Variants in EFNA5 observed in about 807,000 individuals in gnomAD.
EFNA5 encodes the protein ephrin A5.
In EFNA5, 5 loss-of-function variants were observed where a neutral mutation model predicts 22.9. The observed-to-expected ratio is 0.22, with a 90% CI of 0.11 to 0.46. The LOEUF is 0.46. EFNA5 is among the 20% of genes least tolerant of loss of function. EFNA5 has a pLI of 0.99. For missense variants in EFNA5, 237 were observed against 293.3 expected, an observed-to-expected ratio of 0.81 and a Z score of 1.40; for synonymous variants, 113 against 112.2, an observed-to-expected ratio of 1.01 and a Z score of -0.04.
At chr5:107,413,790 G>A (rs1370144851) in intron 2 of EFNA5, among the ~76,000 whole-genome samples, 1 of 152,140 alleles carries the variant, frequency 6.6e-6, no homozygotes, top group Admixed American at 6.5e-5. Flanking sequence ...TAATTTACAG[G>A]TAAAGCAATG....
chr5:107,605,226 C>G (rs944395338), intron 1 of EFNA5, among the ~76,000 whole-genome samples: 1 of 151,996 alleles, frequency 6.6e-6, no homozygotes, highest in African/African-American at 2.4e-5. Flanking sequence ...CTCCTTCCCC[C>G]TAATGCCTCT....
At chr5:107,641,001 T>C (rs1056616582) in intron 1 of EFNA5, among the ~76,000 whole-genome samples, 1 of 140,018 alleles carries the variant, frequency 7.1e-6, no homozygotes, top group African/African-American at 2.6e-5. Flanking sequence ...GATAGATAGA[T>C]AGATAGATAG....
intron 2 of EFNA5, among the ~76,000 whole-genome samples, chr5:107,413,236 T>C (rs1748417237): frequency 2.6e-5 from 4 of 152,134 alleles, no homozygotes; most frequent in Non-Finnish European, 5.9e-5. Flanking sequence ...TATGAAATAA[T>C]AGACTTATTT....
At chr5:107,445,988 G>A (rs562404617) in intron 1 of EFNA5, among the ~76,000 whole-genome samples, 89 of 152,268 alleles carry the variant, frequency 5.8e-4, no homozygotes, top group African/African-American at 1.9e-3. Flanking sequence ...AGACAGTTCA[G>A]GAAAGAGGTT....
At chr5:107,382,699 A>G (rs1291729349) in intron 4 of EFNA5, among the ~76,000 whole-genome samples, 2 of 152,178 alleles carry the variant, frequency 1.3e-5, no homozygotes, top group South Asian at 2.1e-4. Context: ...GGATCTCTGA[A>G]TAACACATTT....
At chr5:107,436,073 T>C (rs1184350810) in intron 1 of EFNA5, among the ~76,000 whole-genome samples, 1 of 152,356 alleles carries the variant, frequency 6.6e-6, no homozygotes, top group Non-Finnish European at 1.5e-5. Flanking sequence ...GATAGATAGA[T>C]AAAATTCACA....
intron 1 of EFNA5, among the ~76,000 whole-genome samples, chr5:107,479,792 A>T (rs2112397222): frequency 6.6e-6 from 1 of 152,344 alleles, no homozygotes; most frequent in East Asian, 1.9e-4. Flanking sequence ...ATCCTGATGA[A>T]AAAGAATCAT....
intron 1 of EFNA5, among the ~76,000 whole-genome samples, chr5:107,667,008 T>C (rs1751091481): frequency 6.6e-6 from 1 of 152,162 alleles, no homozygotes; most frequent in East Asian, 1.9e-4. Flanking sequence ...GGACAAATAG[T>C]TATATTCTTC....
chr5:107,559,356 C>A (rs1561432905), intron 1 of EFNA5, among the ~76,000 whole-genome samples: 1 of 152,004 alleles, frequency 6.6e-6, no homozygotes, highest in Non-Finnish European at 1.5e-5. Flanking sequence ...ATCTGTCTAG[C>A]GAAAAATATA....
chr5:107,596,981 A>G (rs550776876), intron 1 of EFNA5, among the ~76,000 whole-genome samples: 5 of 152,238 alleles, frequency 3.3e-5, no homozygotes, highest in African/African-American at 1.2e-4. Flanking sequence ...CTGGTACCTA[A>G]TAACTGTGTG....
At position 107,399,329 on chromosome 5, in the gene EFNA5, G is replaced by A. The variant is rs1339541666; in HGVS notation, c.419-11558C>T. 9.5e-3 allele frequency among the ~76,000 whole-genome samples: 1,332 copies of A among 140,892 alleles called. 21 individuals are homozygous for A. Among genetic ancestry groups the A allele is most frequent in the African/African-American group, 0.033 (1,236 of 37,204 alleles). The allele number at this position is 140,892 out of a possible 152,430, so 92.4% of individuals were successfully genotyped here. A position where few individuals can be genotyped will look rare whatever the true frequency, so the allele number is the denominator to read the frequency against. On this transcript the variant is annotated intron_variant, in intron 2 of 4. Transcript: ENST00000333274. ...AGGAAGGAAGGAAACGGAAAGGAAA[G>A]GAAAGGAAAGGAAAGGAAAGGAAAG...
intron 1 of EFNA5, among the ~76,000 whole-genome samples, chr5:107,595,835 C>T (rs1056711906): frequency 2.6e-5 from 4 of 152,082 alleles, no homozygotes; most frequent in East Asian, 1.9e-4. Context: ...GGATAAAATA[C>T]GCACTTCAAA....
intron 1 of EFNA5, among the ~76,000 whole-genome samples, chr5:107,570,275 T>A (rs994512659): frequency 5.9e-5 from 9 of 152,330 alleles, no homozygotes; most frequent in Non-Finnish European, 1.3e-4. Context: ...TAATTAGCCT[T>A]GATTAATATC....
chr5:107,556,893 C>G (rs1301095645), intron 1 of EFNA5, among the ~76,000 whole-genome samples: 1 of 151,986 alleles, frequency 6.6e-6, no homozygotes, highest in Non-Finnish European at 1.5e-5. Flanking sequence ...TTTCACATTC[C>G]ACTAATGAAA....
At chr5:107,604,038 C>T (rs1427628121) in intron 1 of EFNA5, among the ~76,000 whole-genome samples, 3 of 152,236 alleles carry the variant, frequency 2.0e-5, no homozygotes, top group East Asian at 3.9e-4. Flanking sequence ...ACTCCTTTTT[C>T]AAGGTGAAGT....
chr5:107,382,976 T>A (rs944754664), intron 4 of EFNA5, among the ~76,000 whole-genome samples: 4 of 152,206 alleles, frequency 2.6e-5, no homozygotes, highest in African/African-American at 9.7e-5. Flanking sequence ...ATAAGGGTGC[T>A]TTTCCTTCAC....
chr5:107,585,095 G>A (rs889759927), intron 1 of EFNA5, among the ~76,000 whole-genome samples: 3 of 152,138 alleles, frequency 2.0e-5, no homozygotes, highest in African/African-American at 7.2e-5. Context: ...CAAATGGTAT[G>A]GAAATCTACC....
chr5:107,571,404 G>A (rs559564305), intron 1 of EFNA5, among the ~76,000 whole-genome samples: 1 of 152,104 alleles, frequency 6.6e-6, no homozygotes, highest in East Asian at 1.9e-4. Flanking sequence ...GCTCGCTGTC[G>A]GGGAAAAACA....
At position 107,553,178 on chromosome 5, in the gene EFNA5, A is replaced by G. The variant is rs184990087; in HGVS notation, c.125+117311T>C. Among the ~76,000 whole-genome samples, 744 of 152,260 alleles carry G rather than the reference A, an allele frequency of 4.9e-3. 10 individuals carry two copies. Among genetic ancestry groups the G allele is most frequent in the African/African-American group, 0.017 (699 of 41,556 alleles). The stretch of plus-strand genomic sequence containing the variant: ...TCCACTAAACACCCTGGAACTTAAA[A>G]TATTTACTTGGGTTTCCCCAGGGGC... On this transcript the variant is annotated intron_variant, in intron 1 of 4. Transcript: ENST00000333274.
Sources: allele counts gnomAD v4.1 joint callset (sites outside exome capture counted in the v4.1 genomes callset), GRCh38; gene constraint gnomAD v4.1.1; transcripts MANE v1.5; gene names NCBI Gene and HGNC (gene_info 2026-07-23, HGNC 2026-07-21).